The following MSANTD1 variants were observed in gnomAD, a reference collection of about 807,000 sequenced individuals.
MSANTD1 encodes myb/SANT-like DNA-binding domain-containing protein 1.
MSANTD1 carries 7 observed loss-of-function variants against 24.2 expected under a neutral mutation model. The ratio of observed to expected loss-of-function variants is 0.29; its 90% CI spans 0.16 to 0.54. MSANTD1 has a LOEUF of 0.54. Ranked by LOEUF, MSANTD1 falls within the 20% of genes least tolerant of loss-of-function variation. The pLI is 0.94. For missense variants in MSANTD1, 384 were observed against 408.2 expected (o/e 0.94, Z 0.51); for synonymous variants, 177 against 181.1 (o/e 0.98, Z 0.18).
intron 2 of MSANTD1, among the ~76,000 whole-genome samples, chr4:3,255,031 G>C (rs2110323373): frequency 6.6e-6 from 1 of 152,222 alleles, no homozygotes; most frequent in Middle Eastern, 3.4e-3. Flanking sequence ...CTCCACCCCT[G>C]GCCCCCAACT....
chr4:3,249,553 G>A lies in MSANTD1; in HGVS notation c.320+11G>A, dbSNP rs776716063. The stretch of plus-strand genomic sequence containing the variant: ...GACCTTCCAGTACAGGTGGGCGAGC[G>A]GGCAGTGTGGGCCCCACCAGGACGG... On this transcript the variant is annotated intron_variant, in intron 1 of 2. Coordinates refer to ENST00000438480, the MANE Select transcript of MSANTD1 (RefSeq NM_001042690.2). The A allele has an allele frequency of 1.3e-4, 204 of 1,601,598 alleles. No individual in the cohort carries two copies. Among genetic ancestry groups the A allele is most frequent in the South Asian group, 3.8e-4 (34 of 89,480 alleles).
rs571601687 is a variant in MSANTD1 at position 3,249,271 on chromosome 4, C to T, written c.49C>T (p.Pro17Ser). 6.6e-7 allele frequency: 1 copy of T among 1,506,012 alleles called. No homozygotes were observed. The highest frequency in any genetic ancestry group is 1.3e-5 in the South Asian group (1 of 78,338). 93.3% of individuals were successfully genotyped at this position (1,506,012 alleles called of 1,614,324 possible). A position where few individuals can be genotyped will look rare whatever the true frequency, so the allele number is the denominator to read the frequency against. ...PGPSLSALSH[P>S]TGASGMAAAE... ...GCCCTCGCTGAGCGCGCTCTCTCACCCCACAGGCGCCTCCGGCATGGCGGC... is the reference window on the plus strand; with the variant it reads ...GCCCTCGCTGAGCGCGCTCTCTCACTCCACAGGCGCCTCCGGCATGGCGGC... The change falls in exon 1 of 3, where the codon CCC becomes TCC. Residue 17 changes from proline (P) to serine (S), a missense_variant. By Grantham distance (74) the Pro-to-Ser change is moderately conservative (BLOSUM62 -1). Coordinates refer to ENST00000438480, the MANE Select transcript of MSANTD1 (RefSeq NM_001042690.2).
At position 3,253,368 on chromosome 4, in the gene MSANTD1, C is replaced by T. The variant is rs762000124; in HGVS notation, c.482C>T (p.Ser161Leu). Residue 161 changes from serine (S) to leucine (L), a missense_variant, in exon 2 of 3, where the codon TCG becomes TTG. Transcript: ENST00000438480. ...ACGTCCCAGACCGAGGCGTCCCTGTCGCCGCCCGCTAAGTCCACCCCTCTG... is the reference window on the plus strand; with the variant it reads ...ACGTCCCAGACCGAGGCGTCCCTGTTGCCGCCCGCTAAGTCCACCCCTCTG... ...PSTSQTEASL[S>L]PPAKSTPLYF... The T allele has an allele frequency of 1.1e-5, 18 of 1,611,108 alleles. No individual in the cohort carries two copies. The highest frequency in any genetic ancestry group is 2.7e-5 in the African/African-American group (2 of 74,922).
At chr4:3,253,532 C>A (rs1453213287) in intron 2 of MSANTD1, 50 bp downstream of exon 2, 2 of 1,431,390 alleles carry the variant, frequency 1.4e-6, no homozygotes, top group Non-Finnish European at 1.8e-6. Flanking sequence ...TCAGCCCCCA[C>A]CATTTAGAGA....
chr4:3,255,896 G>A lies in MSANTD1; in HGVS notation c.768G>A (p.Val256=). 1 of 1,545,514 alleles carries A rather than the reference G, an allele frequency of 6.5e-7. No individual in the cohort carries two copies. The highest frequency in any genetic ancestry group is 8.7e-7 in the Non-Finnish European group (1 of 1,146,162). Reference sequence around the variant, plus strand: ...TGGACCAGCAGCACATCCTGCAGGTGCAGAGCCTGCAGCTGCAGGAGCGCA... The same window carrying A: ...TGGACCAGCAGCACATCCTGCAGGTACAGAGCCTGCAGCTGCAGGAGCGCA... The part of the protein sequence containing the change: ...RVLDQQHILQ[V]QSLQLQERMM... Residue 256 remains valine (V), a synonymous_variant, in exon 3 of 3, where the codon GTG becomes GTA. Coordinates refer to ENST00000438480, the MANE Select transcript of MSANTD1 (RefSeq NM_001042690.2).
At chr4:3,255,644 A>G in intron 2 of MSANTD1, 81 bp from the exon 3 acceptor site, 3 of 1,428,508 alleles carry the variant, frequency 2.1e-6, no homozygotes, top group Non-Finnish European at 2.7e-6. Flanking sequence ...GCCCAGTAGG[A>G]TTGTCGGGAG....
At position 3,249,505 on chromosome 4, in the gene MSANTD1, A is replaced by C; in HGVS notation, c.283A>C (p.Ile95Leu). ...CGGCGAGCGCAGGCTGGGCGAGGAG[A>C]TCAAGATCAAGATCACCAACATGAC... Reference protein sequence around the residue: ...MTGERRLGEEIKIKITNMTFQ... With the variant: ...MTGERRLGEELKIKITNMTFQ... The change falls in exon 1 of 3, where the codon ATC becomes CTC. Residue 95 changes from isoleucine to leucine, a missense_variant. Physicochemically the swap from Ile to Leu is conservative, Grantham distance 5. Coordinates refer to ENST00000438480, the MANE Select transcript of MSANTD1 (RefSeq NM_001042690.2). 6.2e-7 allele frequency: 1 copy of C among 1,611,664 alleles called. No homozygotes were observed.
intron 1 of MSANTD1, among the ~76,000 whole-genome samples, chr4:3,251,672 TTTTC>T (rs2110320638): frequency 6.7e-6 from 1 of 149,684 alleles, no homozygotes; most frequent in South Asian, 2.1e-4. Context: ...TAGCAGAGGC[TTTTC>T]TTTTTTTTTT....
In MSANTD1 at chr4:3,256,438, C is replaced by G. The variant is rs187425205; in HGVS notation, c.*473C>G. ...GGGGGAGCTCTCTCCTGAAGGGAAC[C>G]CTGTGTCCTCCCTCACCAGGACCTC... On this transcript the variant is annotated 3_prime_UTR_variant, in exon 3 of 3. Coordinates refer to ENST00000438480, the MANE Select transcript of MSANTD1 (RefSeq NM_001042690.2). 6.7e-4 allele frequency: 103 copies of G among 152,884 alleles called. 2 individuals are homozygous for G. Among genetic ancestry groups the G allele is most frequent in the Non-Finnish European group, 5.9e-4 (40 of 68,344 alleles). 9.5% of individuals were successfully genotyped at this position (152,884 alleles called of 1,614,324 possible).
rs874930 is a variant in MSANTD1 at position 3,254,886 on chromosome 4, T to C, written c.597-839T>C. 9.1e-4 allele frequency among the ~76,000 whole-genome samples: 139 copies of C among 152,322 alleles called. No homozygotes were observed. The Middle Eastern group carries it at 0.02, about 22-fold the overall frequency. ...GGGGGCTCACATCTCAGGCCCTTCC[T>C]TCTGGGACCTCAGTTTCCCCATCTG... is the stretch of plus-strand genomic sequence containing the variant. On this transcript the variant is annotated intron_variant, in intron 2 of 2. Transcript: ENST00000438480.
chr4:3,248,487 G>C (rs1722106434), upstream of MSANTD1: 1 of 152,628 alleles, frequency 6.6e-6, no homozygotes, highest in Non-Finnish European at 1.5e-5. Context: ...CATCACTGCT[G>C]TCCTCACCGG....
upstream of MSANTD1, among the ~76,000 whole-genome samples, chr4:3,246,981 G>A (rs914806706): frequency 5.9e-5 from 9 of 152,164 alleles, no homozygotes; most frequent in African/African-American, 2.2e-4. Flanking sequence ...ACTCGGGCAG[G>A]CAGGGGTGTA....
At chr4:3,255,200 G>A (rs966127001) in intron 2 of MSANTD1, among the ~76,000 whole-genome samples, 1 of 152,110 alleles carries the variant, frequency 6.6e-6, no homozygotes, top group Non-Finnish European at 1.5e-5. Context: ...CGCAAAGGAC[G>A]GCAATGCCTG....
upstream of MSANTD1, chr4:3,248,464 A>G: frequency 6.5e-6 from 1 of 152,810 alleles, no homozygotes; most frequent in South Asian, 2.1e-4. Flanking sequence ...TCTCAAACAG[A>G]GCTCACCTTT....
Position 3,253,402 on chromosome 4 carries a change from G to A in MSANTD1, c.516G>A (p.Pro172=), listed in dbSNP as rs777107130. The change falls in exon 2 of 3, where the codon CCG becomes CCA. Residue 172 remains proline, a synonymous_variant. Coordinates refer to ENST00000438480, the MANE Select transcript of MSANTD1 (RefSeq NM_001042690.2). ...CTAAGTCCACCCCTCTGTACTTCCC[G>A]TATAACCAGTGCTCCTACGAAGGCC... ...PPAKSTPLYF[P]YNQCSYEGRF... 1.2e-5 allele frequency: 19 copies of A among 1,604,304 alleles called. No individual in the cohort carries two copies. In the East Asian group the frequency reaches 1.8e-4, roughly 15 times the overall value.
intron 2 of MSANTD1, 90 bp downstream of exon 2, chr4:3,253,572 G>T: frequency 7.4e-7 from 1 of 1,354,448 alleles, no homozygotes. Context: ...GGCCGGCGGC[G>T]GCGGCCACAG....
rs764891923 is a variant in MSANTD1 at position 3,255,914 on chromosome 4, G to A, written c.786G>A (p.Gln262=). The A allele has an allele frequency of 1.2e-5, 19 of 1,545,488 alleles. No homozygotes were observed. Among genetic ancestry groups the A allele is most frequent in the Admixed American group, 9.8e-5 (5 of 50,924 alleles). The change falls in exon 3 of 3, where the codon CAG becomes CAA. Residue 262 remains glutamine (Q), a synonymous_variant. Coordinates refer to ENST00000438480, the MANE Select transcript of MSANTD1 (RefSeq NM_001042690.2). ...TGCAGGTGCAGAGCCTGCAGCTGCA[G>A]GAGCGCATGATGAGTCTGCTGGAGA... ...HILQVQSLQL[Q]ERMMSLLERI... is the part of the protein sequence containing the mutation.
chr4:3,244,712 C>T (rs1721966170), upstream of MSANTD1: 1 of 152,234 alleles, frequency 6.6e-6, no homozygotes. Flanking sequence ...CCTGTGGCTT[C>T]CTCTGGTGCA....
chr4:3,244,740 T>C (rs900464552), upstream of MSANTD1: 2 of 152,260 alleles, frequency 1.3e-5, no homozygotes, highest in Admixed American at 6.5e-5. Flanking sequence ...TAGTCAATGT[T>C]TGCTGAGGTC....
Sources: allele counts gnomAD v4.1 joint callset (sites outside exome capture counted in the v4.1 genomes callset), GRCh38; gene constraint gnomAD v4.1.1; transcripts MANE v1.5; gene names NCBI Gene and HGNC (gene_info 2026-07-23, HGNC 2026-07-21).